Variants in ZNF385C observed in about 807,000 individuals in gnomAD.
ZNF385C encodes zinc finger protein 385C.
Under a neutral mutation model 35.4 loss-of-function variants are expected in ZNF385C, and 28 were observed. The observed-to-expected ratio is 0.79, with a 90% CI of 0.59 to 1.08. ZNF385C has a LOEUF of 1.08. ZNF385C is among the 50% of genes least tolerant of loss of function. ZNF385C has a pLI of 0.00. For synonymous variants in ZNF385C, 248 were observed against 248.2 expected, an observed-to-expected ratio of 1.00 and a Z score of 0.01; for missense variants, 605 against 595.6, an observed-to-expected ratio of 1.02 and a Z score of -0.16.
intron 1 of ZNF385C, among the ~76,000 whole-genome samples, chr17:42,084,806 G>C (rs2053788904): frequency 6.6e-6 from 1 of 151,784 alleles, no homozygotes; most frequent in Non-Finnish European, 1.5e-5. Flanking sequence ...TTTTAGAGAT[G>C]GGGTCTTGCT....
intron 1 of ZNF385C, among the ~76,000 whole-genome samples, chr17:42,098,096 C>T (rs1161514430): frequency 6.6e-6 from 1 of 152,200 alleles, no homozygotes; most frequent in Non-Finnish European, 1.5e-5. Context: ...TACTCCGGAC[C>T]CCCGTCCTCA....
At chr17:42,031,919 G>T in intron 4 of ZNF385C, 135 bp from the exon 5 acceptor site, 2 of 943,524 alleles carry the variant, frequency 2.1e-6, no homozygotes, top group Non-Finnish European at 3.1e-6. Flanking sequence ...CCTTGTCCTT[G>T]TCATCATCAT....
chr17:42,028,711 C>G (rs2143512282), intron 6 of ZNF385C, 72 bp downstream of exon 6: 1 of 1,493,028 alleles, frequency 6.7e-7, no homozygotes. Context: ...GGAACTCAAG[C>G]CTGCCCTCAT....
intron 4 of ZNF385C, among the ~76,000 whole-genome samples, chr17:42,033,054 C>T (rs1372924577): frequency 6.6e-6 from 1 of 152,154 alleles, no homozygotes; most frequent in Non-Finnish European, 1.5e-5. Flanking sequence ...ACTCATGGAA[C>T]CAGAAGGCCT....
chr17:42,086,877 G>A (rs1361100707), intron 1 of ZNF385C, among the ~76,000 whole-genome samples: 1 of 145,372 alleles, frequency 6.9e-6, no homozygotes, highest in African/African-American at 2.6e-5. Flanking sequence ...TGCCCAGGCT[G>A]GAGTGCAGTG....
intron 1 of ZNF385C, 64 bp from the exon 2 acceptor site, chr17:42,063,122 A>AG (rs1555658160): frequency 1.8e-6 from 1 of 565,326 alleles, no homozygotes; most frequent in African/African-American, 1.9e-5. Context: ...AGAGAGCAGG[A>AG]GGGGCTCAAG....
intron 1 of ZNF385C, among the ~76,000 whole-genome samples, chr17:42,094,905 A>T (rs2053901880): frequency 6.6e-6 from 1 of 152,196 alleles, no homozygotes; most frequent in African/African-American, 2.4e-5. Flanking sequence ...ACCCAAGGTG[A>T]ATGAAAAGTC....
chr17:42,079,202 AAATATATATATATATACAT>A (rs1226384459), intron 1 of ZNF385C, among the ~76,000 whole-genome samples: 113 of 106,660 alleles, frequency 1.1e-3, no homozygotes, highest in Non-Finnish European at 1.3e-3. Context: ...AAAAAAAAAA[AAATATATATATATATACAT>A]ATATATATAT....
At chr17:42,048,152 A>G (rs2143730269) in intron 2 of ZNF385C, among the ~76,000 whole-genome samples, 1 of 152,204 alleles carries the variant, frequency 6.6e-6, no homozygotes, top group African/African-American at 2.4e-5. Context: ...GACCACTGGG[A>G]AATACACAAA....
intron 2 of ZNF385C, among the ~76,000 whole-genome samples, chr17:42,043,728 C>T (rs2053083228): frequency 6.6e-6 from 1 of 152,074 alleles, no homozygotes; most frequent in Non-Finnish European, 1.5e-5. Flanking sequence ...ATGCAAAGGG[C>T]CCTAGAGCAT....
At chr17:42,087,189 G>C (rs1006815162) in intron 1 of ZNF385C, among the ~76,000 whole-genome samples, 1 of 152,108 alleles carries the variant, frequency 6.6e-6, no homozygotes, top group Non-Finnish European at 1.5e-5. Context: ...CCCTATTAAA[G>C]GGTTAAGTAC....
chr17:42,090,565 G>A (rs952102026), intron 1 of ZNF385C, among the ~76,000 whole-genome samples: 2 of 151,006 alleles, frequency 1.3e-5, no homozygotes, highest in East Asian at 2.0e-4. Flanking sequence ...GATTACAGAC[G>A]TGAGCCACCA....
chr17:42,085,888 C>T (rs553321996), intron 1 of ZNF385C, among the ~76,000 whole-genome samples: 80 of 152,000 alleles, frequency 5.3e-4, no homozygotes, highest in African/African-American at 1.8e-3. Context: ...TGAGCCACCA[C>T]GCCCGGCCTC....
At chr17:42,043,183 G>A in intron 2 of ZNF385C, 1 of 1,232,236 alleles carries the variant, frequency 8.1e-7, no homozygotes, top group Non-Finnish European at 1.0e-6. Context: ...TGTGCCCACA[G>A]TGAAGGCGTT....
At chr17:42,070,010 C>T (rs2053601638) in intron 1 of ZNF385C, among the ~76,000 whole-genome samples, 1 of 151,762 alleles carries the variant, frequency 6.6e-6, no homozygotes, top group Non-Finnish European at 1.5e-5. Flanking sequence ...CCACTGCACT[C>T]CAGCCCCAGA....
intron 1 of ZNF385C, among the ~76,000 whole-genome samples, chr17:42,064,062 GCACA>G (rs1476089611): frequency 8.9e-6 from 1 of 111,952 alleles, no homozygotes; most frequent in Non-Finnish European, 2.0e-5. Flanking sequence ...CCCAACGCGC[GCACA>G]CGCACATACA....
chr17:42,032,149 C>T (rs1468372248), intron 4 of ZNF385C, among the ~76,000 whole-genome samples: 1 of 152,204 alleles, frequency 6.6e-6, no homozygotes, highest in Non-Finnish European at 1.5e-5. Context: ...CAACCTCCGC[C>T]TCCCGGGTTC....
intron 2 of ZNF385C, among the ~76,000 whole-genome samples, chr17:42,059,457 G>A (rs1430502545): frequency 6.6e-6 from 1 of 152,158 alleles, no homozygotes; most frequent in African/African-American, 2.4e-5. Flanking sequence ...CACGTCTCCT[G>A]ATGACCCCTA....
chr17:42,075,538 A>C (rs1161761024), intron 1 of ZNF385C, among the ~76,000 whole-genome samples: 6 of 129,292 alleles, frequency 4.6e-5, no homozygotes, highest in African/African-American at 1.8e-4. Context: ...TCTGTCGCCC[A>C]GGCTGGAGTG....
Sources: allele counts gnomAD v4.1 joint callset (sites outside exome capture counted in the v4.1 genomes callset), GRCh38; gene constraint gnomAD v4.1.1; transcripts MANE v1.5; gene names NCBI Gene and HGNC (gene_info 2026-07-23, HGNC 2026-07-21).